Variants in TAFA5 observed in about 807,000 individuals in gnomAD.
TAFA5 encodes the protein chemokine-like protein TAFA-5.
TAFA5 carries 6 observed loss-of-function variants against 15.3 expected under a neutral mutation model. The ratio of observed to expected loss-of-function variants is 0.39; its 90% CI spans 0.21 to 0.77. TAFA5 has a LOEUF of 0.77. Among genes scored for constraint, TAFA5 ranks in the 30% least tolerant of loss-of-function variants. The pLI is 0.41. For synonymous variants in TAFA5, 103 were observed against 80.7 expected (o/e 1.28, Z -1.48); for missense variants, 161 against 193.1 (o/e 0.83, Z 0.98).
chr22:48,687,403 T>C (rs1356370551), intron 2 of TAFA5, among the ~76,000 whole-genome samples: 3 of 143,346 alleles, frequency 2.1e-5, no homozygotes, highest in African/African-American at 8.0e-5. Flanking sequence ...TTTGAATGGA[T>C]AGATAGATGG....
chr22:48,626,405 G>A (rs1352788168), intron 1 of TAFA5, among the ~76,000 whole-genome samples: 2 of 152,156 alleles, frequency 1.3e-5, no homozygotes, highest in Admixed American at 6.5e-5. Context: ...GTGTATGGCC[G>A]TTACCTCCTT....
intron 1 of TAFA5, among the ~76,000 whole-genome samples, chr22:48,569,012 A>G (rs1180522554): frequency 6.6e-6 from 1 of 152,196 alleles, no homozygotes; most frequent in Non-Finnish European, 1.5e-5. Context: ...CTGAACCCAC[A>G]GCCAGCTCTG....
chr22:48,561,041 G>A (rs1449397112), intron 1 of TAFA5, among the ~76,000 whole-genome samples: 3 of 152,180 alleles, frequency 2.0e-5, no homozygotes, highest in Non-Finnish European at 2.9e-5. Context: ...GGGTCTGGCT[G>A]TGGCAGGCTC....
chr22:48,596,536 A>G (rs1391018008), intron 1 of TAFA5, among the ~76,000 whole-genome samples: 1 of 152,156 alleles, frequency 6.6e-6, no homozygotes, highest in African/African-American at 2.4e-5. Flanking sequence ...AGCAGATGGC[A>G]GTTTCCATCT....
chr22:48,693,442 C>T lies in TAFA5; in HGVS notation c.263-14275C>T, dbSNP rs562116360. 8.7e-5 allele frequency: 140 copies of T among 1,604,774 alleles called. No individual in the cohort carries two copies. The African/African-American group carries it at 1.4e-3, about 16-fold the overall frequency. On this transcript the variant is annotated intron_variant, in intron 2 of 3. Transcript: ENST00000402357. ...CGTGCAGGCAGTAAAGGAGGGACTG[C>T]GACTCTTGCAGATGGCTGTGACTCA... is the stretch of plus-strand genomic sequence containing the variant.
In TAFA5 at chr22:48,553,636, G is replaced by A. The variant is rs73888929; in HGVS notation, c.112+63932G>A. On this transcript the variant is annotated intron_variant, in intron 1 of 3. Transcript: ENST00000402357. The stretch of plus-strand genomic sequence containing the variant: ...GTCCCCCACCCGGGGCCCAGACAGT[G>A]TTCTGGAAGGTTCCTACAGTGTCTC... Among the ~76,000 whole-genome samples, 574 of 152,300 alleles carry A rather than the reference G, an allele frequency of 3.8e-3. 4 individuals carry two copies. Among genetic ancestry groups the A allele is most frequent in the African/African-American group, 0.013 (535 of 41,576 alleles).
chr22:48,639,015 C>T (rs113956771), intron 1 of TAFA5, among the ~76,000 whole-genome samples: 2 of 150,082 alleles, frequency 1.3e-5, no homozygotes, highest in African/African-American at 2.5e-5. Flanking sequence ...CGCACACAGG[C>T]GGGACCCCGA....
chr22:48,642,187 G>A (rs1194188117), intron 1 of TAFA5, among the ~76,000 whole-genome samples: 3 of 152,156 alleles, frequency 2.0e-5, no homozygotes, highest in East Asian at 3.9e-4. Context: ...AGCGGCCTGC[G>A]CTTTGCTGAG....
chr22:48,695,288 T>C (rs1008423024), intron 2 of TAFA5, among the ~76,000 whole-genome samples: 1 of 152,182 alleles, frequency 6.6e-6, no homozygotes, highest in African/African-American at 2.4e-5. Flanking sequence ...GACACTCTTC[T>C]GGGTGAGACA....
intron 1 of TAFA5, among the ~76,000 whole-genome samples, chr22:48,637,625 A>G (rs1206311817): frequency 1.3e-5 from 2 of 152,046 alleles, no homozygotes; most frequent in Admixed American, 6.5e-5. Flanking sequence ...CTGGTCTCGT[A>G]TCTGTAATGA....
chr22:48,665,503 T>C (rs1008754982), intron 2 of TAFA5, among the ~76,000 whole-genome samples: 8 of 152,026 alleles, frequency 5.3e-5, no homozygotes, highest in African/African-American at 1.9e-4. Flanking sequence ...TGTCCCAGCT[T>C]TCCAGCCTTA....
intron 2 of TAFA5, among the ~76,000 whole-genome samples, chr22:48,670,164 C>G (rs1601658723): frequency 6.6e-6 from 1 of 152,244 alleles, no homozygotes. Flanking sequence ...TGCTTAGGGG[C>G]TGGCCCACAC....
chr22:48,690,523 A>G (rs570318073), intron 2 of TAFA5, among the ~76,000 whole-genome samples: 256 of 152,220 alleles, frequency 1.7e-3, no homozygotes, highest in Non-Finnish European at 2.8e-3. Flanking sequence ...TACAGTGATG[A>G]CCAGCCCATC....
intron 2 of TAFA5, among the ~76,000 whole-genome samples, chr22:48,651,672 G>A (rs999798283): frequency 6.6e-6 from 1 of 152,152 alleles, no homozygotes. Flanking sequence ...GCGGGTGGAC[G>A]CTGAGGCCGT....
intron 3 of TAFA5, among the ~76,000 whole-genome samples, chr22:48,713,273 A>C (rs574147843): frequency 3.3e-5 from 5 of 152,312 alleles, no homozygotes; most frequent in African/African-American, 1.2e-4. Flanking sequence ...GATTCTGAGG[A>C]CGTGCAGACG....
intron 3 of TAFA5, among the ~76,000 whole-genome samples, chr22:48,728,761 T>G (rs1202638464): frequency 6.6e-6 from 1 of 152,180 alleles, no homozygotes; most frequent in Non-Finnish European, 1.5e-5. Context: ...AGAAAACAGC[T>G]GGTAAAGCTG....
At position 48,742,449 on chromosome 22, in the gene TAFA5, C is replaced by T. The variant is rs1287642932; in HGVS notation, c.391-7390C>T. Among the ~76,000 whole-genome samples, 1 of 152,124 alleles carries T rather than the reference C, an allele frequency of 6.6e-6. No homozygotes were observed. Among genetic ancestry groups the T allele is most frequent in the Non-Finnish European group, 1.5e-5 (1 of 68,004 alleles). On this transcript the variant is annotated intron_variant, in intron 3 of 3. Coordinates refer to ENST00000402357, the MANE Select transcript of TAFA5 (RefSeq NM_001082967.3). The surrounding 1 kb of genome is among the most constrained non-coding windows in gnomAD (Gnocchi z 6.2). Reference sequence around the variant, plus strand: ...CAGGTGGGGCAGGAGACGGGTGGAGCGGGTGGTGCTGTGTGGCGGAGCTGG... The same window carrying T: ...CAGGTGGGGCAGGAGACGGGTGGAGTGGGTGGTGCTGTGTGGCGGAGCTGG...
chr22:48,555,668 C>T lies in TAFA5; in HGVS notation c.112+65964C>T, dbSNP rs1379408357. On this transcript the variant is annotated intron_variant, in intron 1 of 3. Transcript: ENST00000402357. ...ACGGGCACCCCGTGGTCTGTGGCCT[C>T]CTGCAGCCAGGTGACCCCGTCATCA... 5.3e-5 allele frequency among the ~76,000 whole-genome samples: 8 copies of T among 152,328 alleles called. No homozygotes were observed. The East Asian group carries it at 1.5e-3, about 29-fold the overall frequency.
intron 1 of TAFA5, among the ~76,000 whole-genome samples, chr22:48,585,469 C>T (rs1924315103): frequency 1.3e-5 from 2 of 150,208 alleles, no homozygotes; most frequent in African/African-American, 2.5e-5. Context: ...CAAAATACAC[C>T]ACACATACAC....
Sources: allele counts gnomAD v4.1 joint callset (sites outside exome capture counted in the v4.1 genomes callset), GRCh38; gene constraint gnomAD v4.1.1; non-coding constraint Gnocchi (gnomAD v3.1); transcripts MANE v1.5; gene names NCBI Gene and HGNC (gene_info 2026-07-23, HGNC 2026-07-21).